The following GPC5 variants were observed in gnomAD, a reference collection of about 807,000 sequenced individuals.
GPC5 encodes the protein glypican 5.
In GPC5, 47 loss-of-function variants were observed where a neutral mutation model predicts 53.9. The ratio of observed to expected loss-of-function variants is 0.87; its 90% confidence interval spans 0.69 to 1.11. The LOEUF is 1.11. Ranked by LOEUF, GPC5 falls within the 50% of genes most tolerant of loss-of-function variation. GPC5 has a pLI of 0.00. For missense variants in GPC5, 748 were observed against 713.1 expected (o/e 1.05, Z -0.56); for synonymous variants, 286 against 263.3 (o/e 1.09, Z -0.84).
At chr13:92,119,567 A>ATTTTTTTTT (rs59391576) in intron 6 of GPC5, among the ~76,000 whole-genome samples, 3 of 70,612 alleles carry the variant, frequency 4.2e-5, no homozygotes, top group East Asian at 5.2e-4. Context: ...CGCCTGGCTA[A>ATTTTTTTTT]TTTTTTTTTT....
chr13:91,959,296 A>G (rs1210636045), intron 6 of GPC5, among the ~76,000 whole-genome samples: 1 of 151,840 alleles, frequency 6.6e-6, no homozygotes, highest in Admixed American at 6.6e-5. Flanking sequence ...CAAACAGGAA[A>G]ACCTAGAAGA....
chr13:91,545,679 C>A (rs1394377373), intron 2 of GPC5, among the ~76,000 whole-genome samples: 1 of 151,962 alleles, frequency 6.6e-6, no homozygotes, highest in Non-Finnish European at 1.5e-5. Context: ...AATTTTTATG[C>A]CTCTTGAATA....
chr13:92,147,875 C>A (rs976318366), intron 7 of GPC5, among the ~76,000 whole-genome samples: 1 of 151,932 alleles, frequency 6.6e-6, no homozygotes, highest in Non-Finnish European at 1.5e-5. Context: ...GGTCACATTT[C>A]TATTTTTATA....
At chr13:92,865,414 C>T (rs1879306728) in intron 7 of GPC5, among the ~76,000 whole-genome samples, 1 of 152,002 alleles carries the variant, frequency 6.6e-6, no homozygotes, top group East Asian at 1.9e-4. Flanking sequence ...CCATAAAGGT[C>T]CTAATTCCTG....
chr13:91,966,426 A>G (rs2040181292), intron 6 of GPC5, among the ~76,000 whole-genome samples: 1 of 152,176 alleles, frequency 6.6e-6, no homozygotes, highest in Non-Finnish European at 1.5e-5. Flanking sequence ...ATTAGGAAGA[A>G]TATAGACCAT....
intron 7 of GPC5, among the ~76,000 whole-genome samples, chr13:92,298,865 A>G (rs2043056523): frequency 6.6e-6 from 1 of 152,174 alleles, no homozygotes; most frequent in African/African-American, 2.4e-5. Flanking sequence ...TCTGCGGATG[A>G]GATCATTATT....
intron 6 of GPC5, among the ~76,000 whole-genome samples, chr13:92,027,609 T>C (rs2040810534): frequency 1.3e-5 from 2 of 152,204 alleles, no homozygotes; most frequent in African/African-American, 2.4e-5. Flanking sequence ...GGGATTATTA[T>C]AGCTATTTAA....
At chr13:91,966,079 G>A (rs1328761948) in intron 6 of GPC5, among the ~76,000 whole-genome samples, 1 of 152,086 alleles carries the variant, frequency 6.6e-6, no homozygotes, top group African/African-American at 2.4e-5. Flanking sequence ...GAAATAATTA[G>A]ACAACTAAAA....
Position 91,570,586 on chromosome 13 carries a change from T to C in GPC5, c.325+121664T>C, listed in dbSNP as rs76091273. Reference sequence around the variant, plus strand: ...CCTATCTTACAAGGATCTTGCTATATTTTCCACTAGATATTTGAGAATATA... The same window carrying C: ...CCTATCTTACAAGGATCTTGCTATACTTTCCACTAGATATTTGAGAATATA... On this transcript the variant is annotated intron_variant, in intron 2 of 7. Coordinates refer to ENST00000377067, the MANE Select transcript of GPC5 (RefSeq NM_004466.6). Among the ~76,000 whole-genome samples, 331 of 152,298 alleles carry C rather than the reference T, an allele frequency of 2.2e-3. 1 individual carries two copies. The highest frequency in any genetic ancestry group is 7.7e-3 in the African/African-American group (320 of 41,570).
intron 4 of GPC5, among the ~76,000 whole-genome samples, chr13:91,744,031 T>C (rs533956717): frequency 8.7e-4 from 6 of 6,922 alleles, no homozygotes; most frequent in African/African-American, 3.4e-3. Context: ...ATTCTTGTTA[T>C]ATAAGGAACA....
At chr13:91,418,810 A>T (rs1878409685) in intron 1 of GPC5, among the ~76,000 whole-genome samples, 2 of 152,086 alleles carry the variant, frequency 1.3e-5, no homozygotes, top group African/African-American at 4.8e-5. Flanking sequence ...GAGTGGTTGT[A>T]GTACCAACAG....
At chr13:91,425,149 A>G (rs1002768623) in intron 1 of GPC5, among the ~76,000 whole-genome samples, 1 of 152,226 alleles carries the variant, frequency 6.6e-6, no homozygotes, top group Non-Finnish European at 1.5e-5. Flanking sequence ...CCTGCTATAT[A>G]CCAGGTACTT....
At chr13:92,602,226 TATATAAC>T (rs1307595357) in intron 7 of GPC5, among the ~76,000 whole-genome samples, 2 of 45,518 alleles carry the variant, frequency 4.4e-5, no homozygotes, top group Admixed American at 7.9e-4. Flanking sequence ...TATAAATATA[TATATAAC>T]ATATATATAT....
chr13:91,830,158 G>A (rs1389528315), intron 5 of GPC5, among the ~76,000 whole-genome samples: 1 of 152,008 alleles, frequency 6.6e-6, no homozygotes, highest in Non-Finnish European at 1.5e-5. Flanking sequence ...GCCGTGTATA[G>A]ACCTACCCCC....
chr13:92,806,493 T>A (rs1464560580), intron 7 of GPC5, among the ~76,000 whole-genome samples: 1 of 152,138 alleles, frequency 6.6e-6, no homozygotes, highest in African/African-American at 2.4e-5. Context: ...GCAGGCAGCC[T>A]AGATTCTGGC....
chr13:91,590,013 A>G (rs1425262480), intron 2 of GPC5, among the ~76,000 whole-genome samples: 1 of 152,034 alleles, frequency 6.6e-6, no homozygotes, highest in Non-Finnish European at 1.5e-5. Flanking sequence ...AGTATTATGT[A>G]AATGCTTTTG....
chr13:92,586,584 A>C (rs1473444288), intron 7 of GPC5, among the ~76,000 whole-genome samples: 1 of 152,232 alleles, frequency 6.6e-6, no homozygotes, highest in Admixed American at 6.5e-5. Context: ...GGAATCAACA[A>C]AGACGACTGA....
chr13:92,606,554 T>G (rs1884267315), intron 7 of GPC5, among the ~76,000 whole-genome samples: 1 of 152,158 alleles, frequency 6.6e-6, no homozygotes, highest in African/African-American at 2.4e-5. Context: ...ACATACTCTT[T>G]TCTTATATTT....
intron 7 of GPC5, among the ~76,000 whole-genome samples, chr13:92,297,391 C>T (rs574620704): frequency 5.7e-5 from 8 of 141,180 alleles, no homozygotes; most frequent in African/African-American, 1.3e-4. Context: ...GTGCACCAAT[C>T]GACACTCTGT....
Sources: allele counts gnomAD v4.1 joint callset (sites outside exome capture counted in the v4.1 genomes callset), GRCh38; gene constraint gnomAD v4.1.1; transcripts MANE v1.5; gene names NCBI Gene and HGNC (gene_info 2026-07-23, HGNC 2026-07-21).